Variants in BNC2 observed in about 807,000 individuals in gnomAD.
The protein encoded by BNC2 is zinc finger protein basonuclin-2.
In BNC2, 20 loss-of-function variants were observed where a neutral mutation model predicts 76.3. The ratio of observed to expected loss-of-function variants is 0.26; its 90% confidence interval spans 0.18 to 0.38. The LOEUF (loss-of-function observed/expected upper bound fraction) is 0.38. Among genes scored for constraint, BNC2 ranks in the 10% least tolerant of loss-of-function variants. The pLI, the probability that BNC2 is intolerant of heterozygous loss-of-function variation, is 1.00. For missense variants in BNC2, 1,382 were observed against 1,399.8 expected, an observed-to-expected ratio of 0.99 and a Z score of 0.20; for synonymous variants, 582 against 514.8, an observed-to-expected ratio of 1.13 and a Z score of -1.77.
chr9:16,478,071 T>A (rs1217427536), intron 5 of BNC2, among the ~76,000 whole-genome samples: 1 of 152,230 alleles, frequency 6.6e-6, no homozygotes, highest in Non-Finnish European at 1.5e-5. Flanking sequence ...CATCACAGTC[T>A]GAGGTAGTTC....
At chr9:16,685,762 G>A (rs986691485) in intron 3 of BNC2, 1 of 422,188 alleles carries the variant, frequency 2.4e-6, no homozygotes, top group African/African-American at 2.0e-5. Flanking sequence ...TGACATGTAT[G>A]TGACACTTAG....
intron 3 of BNC2, chr9:16,665,324 C>T (rs10962529): frequency 0.041 from 10,636 of 262,610 alleles, 430 homozygotes; most frequent in African/African-American, 0.12. Context: ...AAGCTAAGAC[C>T]GTGCCACTGT....
At chr9:16,537,017 C>G (rs750207347) in intron 5 of BNC2, among the ~76,000 whole-genome samples, 1 of 152,058 alleles carries the variant, frequency 6.6e-6, no homozygotes, top group South Asian at 2.1e-4. Flanking sequence ...CACTACTATC[C>G]TGCTCATAAA....
chr9:16,690,861 G>A (rs760667790), intron 3 of BNC2, among the ~76,000 whole-genome samples: 4 of 152,150 alleles, frequency 2.6e-5, no homozygotes, highest in Non-Finnish European at 5.9e-5. Context: ...GGGATGCCAG[G>A]GTGCGGGGTG....
At chr9:16,660,114 A>G (rs1439568511) in intron 3 of BNC2, among the ~76,000 whole-genome samples, 1 of 152,198 alleles carries the variant, frequency 6.6e-6, no homozygotes, top group Non-Finnish European at 1.5e-5. Context: ...ATTTACTAGC[A>G]CTTTGCATCC....
At chr9:16,573,614 G>A (rs1819396271) in intron 4 of BNC2, among the ~76,000 whole-genome samples, 1 of 152,244 alleles carries the variant, frequency 6.6e-6, no homozygotes. Flanking sequence ...TAAATTTGTA[G>A]CGTCACTTGA....
chr9:16,619,665 A>C (rs1820809230), intron 3 of BNC2, among the ~76,000 whole-genome samples: 1 of 152,182 alleles, frequency 6.6e-6, no homozygotes, highest in South Asian at 2.1e-4. Flanking sequence ...CTGAGCTGAC[A>C]CAATGAATTT....
chr9:16,809,261 T>A (rs1267513509), intron 1 of BNC2, among the ~76,000 whole-genome samples: 1 of 152,084 alleles, frequency 6.6e-6, no homozygotes, highest in Non-Finnish European at 1.5e-5. Flanking sequence ...CCCTCCTGGA[T>A]CACTCTCTGA....
At chr9:16,545,787 T>C (rs1045843677) in intron 5 of BNC2, among the ~76,000 whole-genome samples, 1 of 152,040 alleles carries the variant, frequency 6.6e-6, no homozygotes, top group Non-Finnish European at 1.5e-5. Flanking sequence ...TCCATGAAAA[T>C]ATCCCACAGA....
chr9:16,689,446 G>A (rs1823085822), intron 3 of BNC2, among the ~76,000 whole-genome samples: 1 of 152,066 alleles, frequency 6.6e-6, no homozygotes. Flanking sequence ...TATTAAACAC[G>A]CAGGTAGGCA....
intron 4 of BNC2, among the ~76,000 whole-genome samples, chr9:16,573,461 A>G (rs1819389081): frequency 6.6e-6 from 1 of 152,162 alleles, no homozygotes; most frequent in South Asian, 2.1e-4. Context: ...TCACATCTCA[A>G]TTTGGACTAG....
chr9:16,435,583 C>A lies in BNC2; in HGVS notation c.2611G>T (p.Ala871Ser). The change falls in exon 6 of 7, where the codon GCA (alanine) becomes TCA (serine). Residue 871 changes from alanine to serine, a missense_variant. By Grantham distance (99) the Ala-to-Ser change is moderately conservative. Coordinates refer to ENST00000380672, the MANE Select transcript of BNC2 (RefSeq NM_017637.6). ...TCTCGGCTTCGGCGAGAGGGGAATGCAGCATTGCAACCAGCCACTGTGCAG... is the reference window on the plus strand; with the variant it reads ...TCTCGGCTTCGGCGAGAGGGGAATGAAGCATTGCAACCAGCCACTGTGCAG... ...HVCTVAGCNAAFPSRRSRDRH... is the reference protein window; with the variant it reads ...HVCTVAGCNASFPSRRSRDRH... The A allele has an allele frequency of 1.2e-6, 2 of 1,614,112 alleles. No homozygotes were observed. The highest frequency in any genetic ancestry group is 1.7e-6 in the Non-Finnish European group (2 of 1,180,032).
At chr9:16,571,251 T>C (rs1819314749) in intron 4 of BNC2, among the ~76,000 whole-genome samples, 1 of 152,082 alleles carries the variant, frequency 6.6e-6, no homozygotes, top group Non-Finnish European at 1.5e-5. Flanking sequence ...ATAATAGGTG[T>C]TTTAAATATA....
intron 4 of BNC2, among the ~76,000 whole-genome samples, chr9:16,577,243 A>T (rs1050473557): frequency 3.3e-5 from 5 of 152,096 alleles, no homozygotes; most frequent in African/African-American, 9.7e-5. Context: ...CAAAAATTCT[A>T]TATTTTCTAT....
chr9:16,552,335 C>T (rs949682893), intron 5 of BNC2, among the ~76,000 whole-genome samples, 195 bp downstream of exon 5: 1 of 152,154 alleles, frequency 6.6e-6, no homozygotes, highest in African/African-American at 2.4e-5. Flanking sequence ...CCAAGTTTTC[C>T]TTCTAATACA....
At chr9:16,724,298 T>C (rs1460431239) in intron 3 of BNC2, among the ~76,000 whole-genome samples, 1 of 151,960 alleles carries the variant, frequency 6.6e-6, no homozygotes, top group African/African-American at 2.4e-5. Context: ...GCACAAAATA[T>C]TTATACAAAT....
At chr9:16,555,447 G>C (rs542508469) in intron 4 of BNC2, among the ~76,000 whole-genome samples, 1 of 152,156 alleles carries the variant, frequency 6.6e-6, no homozygotes, top group Non-Finnish European at 1.5e-5. Context: ...ACCTGAGACT[G>C]AGGATATTAT....
At chr9:16,863,362 C>G (rs1819460911) in intron 1 of BNC2, among the ~76,000 whole-genome samples, 1 of 152,186 alleles carries the variant, frequency 6.6e-6, no homozygotes, top group Non-Finnish European at 1.5e-5. Context: ...GATAACTTAG[C>G]CCATACTTTC....
In BNC2 at chr9:16,436,034, C is replaced by T; in HGVS notation, c.2160G>A (p.Arg720=). The change falls in exon 6 of 7, where the codon CGG becomes CGA. Residue 720 remains arginine, a synonymous_variant. Coordinates refer to ENST00000380672, the MANE Select transcript of BNC2 (RefSeq NM_017637.6). ...SMTSEDQEPE[R]DYENESESSE... ...AAGACTCAGACTCGTTCTCATAGTC[C>T]CGCTCAGGTTCTTGGTCTTCAGAAG... 2 of 1,614,170 alleles carry T rather than the reference C, an allele frequency of 1.2e-6. No individual in the cohort carries two copies. Among genetic ancestry groups the T allele is most frequent in the Non-Finnish European group, 1.7e-6 (2 of 1,180,036 alleles).
Sources: gnomAD v4.1 joint callset for allele counts (sites outside exome capture counted in the v4.1 genomes callset) on GRCh38, gnomAD v4.1.1 for gene constraint, MANE v1.5 for transcripts, NCBI Gene and HGNC (gene_info 2026-07-23, HGNC 2026-07-21) for gene names.